Variants in ITLN2 observed in about 807,000 individuals in gnomAD.
ITLN2 encodes the protein intelectin-2.
A neutral mutation model predicts 39.4 loss-of-function variants in ITLN2; 29 were observed. That is an observed-to-expected ratio of 0.74 (90% CI 0.55 to 1.00). ITLN2 has a LOEUF of 1.00. Ranked by LOEUF, ITLN2 falls within the 50% of genes least tolerant of loss-of-function variation. The pLI, the probability that ITLN2 is intolerant of heterozygous loss-of-function variation, is 0.00. For synonymous variants in ITLN2, 156 were observed against 153.4 expected, an observed-to-expected ratio of 1.02 and a Z score of -0.12; for missense variants, 412 against 416.7, an observed-to-expected ratio of 0.99 and a Z score of 0.10.
At chr1:160,946,511 A>C (rs1671606672) in intron 7 of ITLN2, among the ~76,000 whole-genome samples, 1 of 151,984 alleles carries the variant, frequency 6.6e-6, no homozygotes, top group Non-Finnish European at 1.5e-5. Context: ...GGAGATCAAG[A>C]CCATCCTGGC....
rs2101941876 is a variant in ITLN2 at position 160,954,325 on chromosome 1, A to G, written c.79+62T>C. The G allele has an allele frequency of 2.4e-6, 3 of 1,243,068 alleles. No individual in the cohort carries two copies. The East Asian group carries it at 7.5e-5, about 31-fold the overall frequency. 77.0% of individuals were successfully genotyped at this position (1,243,068 alleles called of 1,614,324 possible). A position where few individuals can be genotyped will look rare whatever the true frequency, so the allele number is the denominator to read the frequency against. Reference sequence around the variant, plus strand: ...AGCCCTGCCCAGCTCTACTCCCTCCAGGCCCTGCACAGCAGAGGGGAGCCC... The same window carrying G: ...AGCCCTGCCCAGCTCTACTCCCTCCGGGCCCTGCACAGCAGAGGGGAGCCC... On this transcript the variant is annotated intron_variant, in intron 2 of 7. Transcript: ENST00000368029.
At chr1:160,952,041 A>G (rs1386418663) in intron 3 of ITLN2, among the ~76,000 whole-genome samples, 1 of 152,190 alleles carries the variant, frequency 6.6e-6, no homozygotes, top group East Asian at 1.9e-4. Flanking sequence ...GCCACTGCCC[A>G]TGTTGTGTTG....
At chr1:160,952,764 A>G (rs1671774913) in intron 2 of ITLN2, 31 bp from the exon 3 acceptor site, 2 of 1,512,442 alleles carry the variant, frequency 1.3e-6, no homozygotes, top group South Asian at 1.1e-5. Flanking sequence ...TCTCATTAGA[A>G]GTCTGACCAC....
chr1:160,946,346 G>T lies in ITLN2; in HGVS notation c.826-1054C>A, dbSNP rs1026262903. Among the ~76,000 whole-genome samples, 3 of 152,108 alleles carry T rather than the reference G, an allele frequency of 2.0e-5. No homozygotes were observed. In the Middle Eastern group the frequency reaches 0.01, roughly 517 times the overall value. On this transcript the variant is annotated intron_variant, in intron 7 of 7. Coordinates refer to ENST00000368029, the MANE Select transcript of ITLN2 (RefSeq NM_080878.3). ...ATAAATAAATACATAAGATTTAAAAGACAAATAAATTATACTCAACTTCTG... is the reference window on the plus strand; with the variant it reads ...ATAAATAAATACATAAGATTTAAAATACAAATAAATTATACTCAACTTCTG...
chr1:160,949,954 A>T (rs879080633), intron 6 of ITLN2, 92 bp downstream of exon 6: 1 of 1,191,558 alleles, frequency 8.4e-7, no homozygotes, highest in South Asian at 1.5e-5. Flanking sequence ...GTGCTCAGTA[A>T]ATACTAGCAA....
chr1:160,954,086 C>T (rs1004098413), intron 2 of ITLN2, among the ~76,000 whole-genome samples: 1 of 152,160 alleles, frequency 6.6e-6, no homozygotes, highest in African/African-American at 2.4e-5. Context: ...AGCAGCTGAG[C>T]AGGGACACAG....
chr1:160,948,495 A>G (rs969952354), intron 6 of ITLN2, among the ~76,000 whole-genome samples: 3 of 152,214 alleles, frequency 2.0e-5, no homozygotes, highest in Non-Finnish European at 4.4e-5. Flanking sequence ...TTTTTTATCC[A>G]CAACTTAACT....
chr1:160,948,389 T>C (rs1457788142), intron 6 of ITLN2, among the ~76,000 whole-genome samples: 1 of 152,238 alleles, frequency 6.6e-6, no homozygotes, highest in Non-Finnish European at 1.5e-5. Context: ...TGCCTATTGC[T>C]GTTTACACAC....
At chr1:160,950,281 G>A in intron 5 of ITLN2, 115 bp from the exon 6 acceptor site, 1 of 1,148,328 alleles carries the variant, frequency 8.7e-7, no homozygotes. Flanking sequence ...TCATAATAGT[G>A]ACTGCTTTTC....
intron 6 of ITLN2, chr1:160,949,665 G>A (rs1671694212): frequency 5.5e-6 from 1 of 183,324 alleles, no homozygotes; most frequent in Admixed American, 5.4e-5. Flanking sequence ...TTGGGGGTAG[G>A]GTTACAGATT....
intron 3 of ITLN2, chr1:160,951,610 A>C (rs537307774): frequency 3.7e-6 from 1 of 268,746 alleles, no homozygotes; most frequent in African/African-American, 2.2e-5. Context: ...CTGATTCTAC[A>C]GCAGGATAGG....
At chr1:160,950,931 C>T (rs1570974156) in intron 4 of ITLN2, 112 bp downstream of exon 4, 2 of 1,581,416 alleles carry the variant, frequency 1.3e-6, no homozygotes, top group Non-Finnish European at 1.7e-6. Context: ...TTTCTCTCTT[C>T]TTCTCCAGCC....
intron 7 of ITLN2, among the ~76,000 whole-genome samples, chr1:160,947,086 T>C (rs1452705155): frequency 6.6e-6 from 1 of 152,146 alleles, no homozygotes; most frequent in African/African-American, 2.4e-5. Context: ...TATTTATTGA[T>C]CATTATTTTT....
intron 3 of ITLN2, 93 bp from the exon 4 acceptor site, chr1:160,951,383 C>T: frequency 6.8e-7 from 1 of 1,480,080 alleles, no homozygotes; most frequent in Non-Finnish European, 9.1e-7. Context: ...GTCAAAAGCA[C>T]ACTCAGAAGA....
rs751267888 is a variant in ITLN2 at position 160,950,642 on chromosome 1, G to A, written c.511C>T (p.Gln171Ter). 7 of 1,614,200 alleles carry A rather than the reference G, an allele frequency of 4.3e-6. No homozygotes were observed. In the South Asian group the frequency reaches 6.6e-5, roughly 15 times the overall value. ...AGCAGGGCGCTGTTTCTCCAATGCT[G>A]CATGGGGGACTTGTTGGGCACATGC... ...IWHVPNKSPM[Q>*]HWRNSALLRY... The change falls in exon 5 of 8, where the codon CAG becomes TAG. Residue 171 changes from glutamine to a stop codon, truncating the protein, a stop_gained. Transcript: ENST00000368029. LOFTEE classifies it high-confidence loss of function.
intron 4 of ITLN2, 53 bp from the exon 5 acceptor site, chr1:160,950,764 G>A: frequency 5.7e-6 from 9 of 1,578,824 alleles, no homozygotes; most frequent in Non-Finnish European, 7.7e-6. Flanking sequence ...CCAGGAGGCA[G>A]AAGGTCCACA....
intron 3 of ITLN2, among the ~76,000 whole-genome samples, 157 bp downstream of exon 3, chr1:160,952,463 A>G (rs1671766892): frequency 6.6e-6 from 1 of 152,228 alleles, no homozygotes; most frequent in Non-Finnish European, 1.5e-5. Context: ...GGAATGGGAC[A>G]CAAAAGCCTC....
At chr1:160,952,469 G>T in intron 3 of ITLN2, 151 bp downstream of exon 3, 1 of 590,792 alleles carries the variant, frequency 1.7e-6, no homozygotes, top group Non-Finnish European at 3.0e-6. Flanking sequence ...GGACACAAAA[G>T]CCTCAAAATT....
At chr1:160,950,253 A>G in intron 5 of ITLN2, 87 bp from the exon 6 acceptor site, 5 of 1,415,924 alleles carry the variant, frequency 3.5e-6, no homozygotes, top group South Asian at 1.2e-5. Context: ...ATTAACTGCC[A>G]TTACCCAAAA....
Sources: gnomAD v4.1 joint callset for allele counts (sites outside exome capture counted in the v4.1 genomes callset) on GRCh38, gnomAD v4.1.1 for gene constraint, MANE v1.5 for transcripts, NCBI Gene and HGNC (gene_info 2026-07-23, HGNC 2026-07-21) for gene names.